Variants in MAU2 observed in about 807,000 individuals in gnomAD.
The protein encoded by MAU2 is MAU2 sister chromatid cohesion factor.
Under a neutral mutation model 89.1 loss-of-function variants are expected in MAU2, and 9 were observed. That is an observed-to-expected ratio of 0.10 (90% CI 0.06 to 0.18). MAU2 has a LOEUF of 0.18. Among genes scored for constraint, MAU2 ranks in the 10% least tolerant of loss-of-function variants. The probability of loss-of-function intolerance (pLI) is 1.00; values close to 1 mark genes in which losing one functional copy is unlikely to be tolerated. For synonymous variants in MAU2, 357 were observed against 343.4 expected (o/e 1.04, Z -0.44); for missense variants, 425 against 803.5 (o/e 0.53, Z 5.69).
chr19:19,334,659 T>C, intron 1 of MAU2: 1 of 956,158 alleles, frequency 1.0e-6, no homozygotes, highest in Non-Finnish European at 1.2e-6. Context: ...ACCAGGGCAT[T>C]CTGACCCTCA....
chr19:19,333,876 G>A (rs903557815), intron 1 of MAU2, among the ~76,000 whole-genome samples: 2 of 152,196 alleles, frequency 1.3e-5, no homozygotes, highest in African/African-American at 2.4e-5. Context: ...GCTTGTGTGT[G>A]GCAGTGCTGT....
Position 19,354,566 on chromosome 19 carries a change from G to A in MAU2, c.1639+121G>A, listed in dbSNP as rs146337672. The A allele has an allele frequency of 9.7e-5, 79 of 818,464 alleles. No homozygotes were observed. The African/African-American group carries it at 1.2e-3, about 13-fold the overall frequency. 50.7% of individuals were successfully genotyped at this position (818,464 alleles called of 1,614,324 possible). ...TAGGCCTCCGTGGGCCGCAGCCCCA[G>A]TTCTAGCATGGGTAGGGGGTGCTCC... On this transcript the variant is annotated intron_variant, in intron 17 of 18. Transcript: ENST00000262815.
At chr19:19,347,036 T>C (rs772043327) in intron 12 of MAU2, 137 of 505,724 alleles carry the variant, frequency 2.7e-4, no homozygotes, top group Non-Finnish European at 5.0e-5. Flanking sequence ...GAGGGTAGGA[T>C]TGGGGTGGCT....
rs1046936447 is a variant in MAU2 at position 19,337,263 on chromosome 19, G to T, written c.454G>T (p.Ala152Ser). 7 of 1,612,958 alleles carry T rather than the reference G, an allele frequency of 4.3e-6. No homozygotes were observed. Among genetic ancestry groups the T allele is most frequent in the South Asian group, 2.2e-5 (2 of 90,918 alleles). ...GCACTGCCGCCTGCTCTTCCAGCTC[G>T]CTGTGAGTACCGCGGCCCGGGAACG... Reference protein sequence around the residue: ...YWHCRLLFQLAQLHTLEKDLV... With the variant: ...YWHCRLLFQLSQLHTLEKDLV... The change falls in exon 4 of 19, where the codon GCT (alanine) becomes TCT (serine). Residue 152 changes from alanine to serine, a missense_variant and splice_region_variant. By Grantham distance (99) the Ala-to-Ser change is moderately conservative (BLOSUM62 1). Around this residue, in one of 11 missense-constraint regions of MAU2, gnomAD observed 119 missense variants for 299.8 expected, o/e 0.40. Transcript: ENST00000262815.
intron 1 of MAU2, among the ~76,000 whole-genome samples, chr19:19,325,086 C>G (rs904193996): frequency 6.6e-6 from 1 of 152,108 alleles, no homozygotes; most frequent in African/African-American, 2.4e-5. Context: ...GAGAGCCAAC[C>G]CAGTGTAACA....
chr19:19,335,676 G>A (rs1177996703), intron 1 of MAU2, 42 bp from the exon 2 acceptor site: 2 of 1,611,762 alleles, frequency 1.2e-6, no homozygotes, highest in Non-Finnish European at 1.7e-6. Context: ...CAGGTGCCAG[G>A]TGTTTGCCTG....
chr19:19,350,198 A>C (rs1452452218), intron 16 of MAU2, among the ~76,000 whole-genome samples: 1 of 150,966 alleles, frequency 6.6e-6, no homozygotes, highest in Non-Finnish European at 1.5e-5. Context: ...CGGGAGGCTG[A>C]GGCATGAGAA....
chr19:19,324,055 C>T (rs530169025), intron 1 of MAU2, among the ~76,000 whole-genome samples: 34 of 152,146 alleles, frequency 2.2e-4, no homozygotes, highest in Non-Finnish European at 5.0e-4. Flanking sequence ...GGGGGATCAG[C>T]AATGGCTAAA....
chr19:19,332,374 G>A lies in MAU2; in HGVS notation c.277-3344G>A, dbSNP rs112701080. ...TTAGAGCGAGAGACAGGGTCTCGCTGTGTTGCCCAGGCCGGTCACAAAAAG... is the reference window on the plus strand; with the variant it reads ...TTAGAGCGAGAGACAGGGTCTCGCTATGTTGCCCAGGCCGGTCACAAAAAG... On this transcript the variant is annotated intron_variant, in intron 1 of 18. Transcript: ENST00000262815. Among the ~76,000 whole-genome samples, 852 of 137,610 alleles carry A rather than the reference G, an allele frequency of 6.2e-3. 4 individuals are homozygous for A. The highest frequency in any genetic ancestry group is 0.032 in the South Asian group (140 of 4,412). The allele number at this position is 137,610 out of a possible 152,430, so 90.3% of individuals were successfully genotyped here. A position where few individuals can be genotyped will look rare whatever the true frequency, so the allele number is the denominator to read the frequency against.
chr19:19,321,221 GC>G (rs2061451715), intron 1 of MAU2, 86 bp downstream of exon 1: 2 of 1,377,062 alleles, frequency 1.5e-6, no homozygotes, highest in Admixed American at 6.4e-5. Flanking sequence ...CGGGTGGGGG[GC>G]CGCTCCTCGG....
chr19:19,350,128 C>G lies in MAU2; in HGVS notation c.1548+692C>G, dbSNP rs10403651. Reference sequence around the variant, plus strand: ...TAGCCAACATAGTGAAACCCTGTCTCTTACTAAAAATACAAAAATTAGTGG... The same window carrying G: ...TAGCCAACATAGTGAAACCCTGTCTGTTACTAAAAATACAAAAATTAGTGG... On this transcript the variant is annotated intron_variant, in intron 16 of 18. Transcript: ENST00000262815. 9.5e-3 allele frequency among the ~76,000 whole-genome samples: 1,431 copies of G among 150,024 alleles called. 20 individuals carry two copies. Among genetic ancestry groups the G allele is most frequent in the African/African-American group, 0.033 (1,361 of 40,684 alleles).
At chr19:19,339,047 C>A in intron 5 of MAU2, 108 bp downstream of exon 5, 1 of 852,496 alleles carries the variant, frequency 1.2e-6, no homozygotes, top group Non-Finnish European at 1.8e-6. Context: ...AGTACAGTAG[C>A]TCACAGTATA....
chr19:19,356,768 GCA>G lies in MAU2; in HGVS notation c.*989_*990del, dbSNP rs965970244. Reference sequence around the variant, plus strand: ...TCACCTTCCCTGCTGGGTCTCTGGGGCACAGTGTGAAACCCGCACCCTAGCCA... The same window carrying G: ...TCACCTTCCCTGCTGGGTCTCTGGGGCAGTGTGAAACCCGCACCCTAGCCA... On this transcript the variant is annotated 3_prime_UTR_variant, in exon 19 of 19. Transcript: ENST00000262815. 4.6e-5 allele frequency: 7 copies of G among 153,034 alleles called. No individual in the cohort carries two copies. Among genetic ancestry groups the G allele is most frequent in the African/African-American group, 1.7e-4 (7 of 41,420 alleles). 9.5% of individuals were successfully genotyped at this position (153,034 alleles called of 1,614,324 possible). A position where few individuals can be genotyped will look rare whatever the true frequency, so the allele number is the denominator to read the frequency against.
intron 4 of MAU2, among the ~76,000 whole-genome samples, chr19:19,337,492 A>G (rs757000): frequency 0.2 from 29,783 of 152,214 alleles, 3,174 homozygotes; most frequent in South Asian, 0.35. Flanking sequence ...GGCAACACCC[A>G]GGGGTGAGTG....
Position 19,348,884 on chromosome 19 carries a change from C to A in MAU2, c.1309-5C>A. The A allele has an allele frequency of 6.2e-7, 1 of 1,613,998 alleles. No individual in the cohort carries two copies. Among genetic ancestry groups the A allele is most frequent in the Non-Finnish European group, 8.5e-7 (1 of 1,179,980 alleles). ...AATGGTGCTGACTGGCTCTTTCCCCCGCAGCTCTACAGTCTGCTGGAGAGG... is the reference window on the plus strand; with the variant it reads ...AATGGTGCTGACTGGCTCTTTCCCCAGCAGCTCTACAGTCTGCTGGAGAGG... On this transcript the variant is annotated splice_polypyrimidine_tract_variant and splice_region_variant and intron_variant, in intron 13 of 18. Transcript: ENST00000262815.
Position 19,338,830 on chromosome 19 carries a change from C to G in MAU2, c.457-15C>G. On this transcript the variant is annotated splice_polypyrimidine_tract_variant and intron_variant, in intron 4 of 18. Transcript: ENST00000262815. ...GGGTTTGGCAGCAAAGGTCACTGCT[C>G]TCTTTCCTTTTTAGCAACTGCACAC... 1 of 1,603,526 alleles carries G rather than the reference C, an allele frequency of 6.2e-7. No individual in the cohort carries two copies. The highest frequency in any genetic ancestry group is 8.5e-7 in the Non-Finnish European group (1 of 1,172,786).
At position 19,320,993 on chromosome 19, in the gene MAU2, G is replaced by T; in HGVS notation, c.134G>T (p.Arg45Leu). ...HFRTSSPPKIRLCVHCLQAVF... is the reference protein window; with the variant it reads ...HFRTSSPPKILLCVHCLQAVF... ...CGCACTTCCAGCCCGCCCAAAATCC[G>T]CCTGTGCGTGCACTGCCTGCAGGCC... Residue 45 changes from arginine to leucine, a missense_variant, in exon 1 of 19, where the codon CGC becomes CTC. Transcript: ENST00000262815. 6.2e-7 allele frequency: 1 copy of T among 1,609,748 alleles called. No homozygotes were observed. Among genetic ancestry groups the T allele is most frequent in the Non-Finnish European group, 8.5e-7 (1 of 1,178,130 alleles).
chr19:19,351,674 G>A (rs979263950), intron 16 of MAU2, among the ~76,000 whole-genome samples: 2 of 150,602 alleles, frequency 1.3e-5, no homozygotes, highest in South Asian at 2.1e-4. Flanking sequence ...AGTGAGATCC[G>A]TCTCAAAAAA....
rs908840928 is a variant in MAU2, at chr19:19,321,191, C to T, written c.276+56C>T. 2.4e-5 allele frequency: 36 copies of T among 1,469,470 alleles called. 1 individual carries two copies. In the Admixed American group the frequency reaches 8.2e-4, roughly 33 times the overall value. The allele number at this position is 1,469,470 out of a possible 1,614,324, so 91.0% of individuals were successfully genotyped here. On this transcript the variant is annotated intron_variant, in intron 1 of 18. Coordinates refer to ENST00000262815, the MANE Select transcript of MAU2 (RefSeq NM_015329.4). ...TCGCGGGCTCCTTGCAAGATCTGGG[C>T]TGACGGGTCGCGACCGCGGCGGGTG...
Sources: gnomAD v4.1 joint callset for allele counts (sites outside exome capture counted in the v4.1 genomes callset) on GRCh38, gnomAD v4.1.1 for gene constraint, gnomAD v4.1.1 regional missense constraint, MANE v1.5 for transcripts, NCBI Gene and HGNC (gene_info 2026-07-23, HGNC 2026-07-21) for gene names.